The following RPL22 variants were observed in gnomAD, a reference collection of about 807,000 sequenced individuals.
RPL22 encodes ribosomal protein L22.
RPL22 carries 4 observed loss-of-function variants against 16.2 expected under a neutral mutation model. The observed-to-expected ratio is 0.25, with a 90% CI of 0.12 to 0.57. The LOEUF (loss-of-function observed/expected upper bound fraction) is 0.57. RPL22 is among the 20% of genes least tolerant of loss of function. The probability of loss-of-function intolerance (pLI) is 0.92; values close to 1 mark genes in which losing one functional copy is unlikely to be tolerated. For missense variants in RPL22, 83 were observed against 156.1 expected (o/e 0.53, Z 2.49); for synonymous variants, 43 against 54.8 (o/e 0.78, Z 0.95).
intron 1 of RPL22, 145 bp downstream of exon 1, chr1:6,199,417 G>A: frequency 2.8e-6 from 4 of 1,421,298 alleles, no homozygotes; most frequent in South Asian, 1.5e-5. Context: ...ATCGGCAGGG[G>A]CTCTGGCCCG....
chr1:6,198,989 C>T (rs1482855735), intron 1 of RPL22: 1 of 152,432 alleles, frequency 6.6e-6, no homozygotes, highest in African/African-American at 2.4e-5. Context: ...CCCAGCATAG[C>T]TAAAGGAGAA....
intron 3 of RPL22, among the ~76,000 whole-genome samples, chr1:6,190,427 C>A (rs1667635750): frequency 6.6e-6 from 1 of 152,192 alleles, no homozygotes; most frequent in Non-Finnish European, 1.5e-5. Context: ...GTTGCCCAGG[C>A]TGGAGTGCAA....
chr1:6,190,256 G>A (rs1346497894), intron 3 of RPL22, among the ~76,000 whole-genome samples: 1 of 152,170 alleles, frequency 6.6e-6, no homozygotes, highest in African/African-American at 2.4e-5. Flanking sequence ...AGACTGTGAG[G>A]ACTTCACTTA....
At chr1:6,187,503 A>C (rs1164992616) in intron 3 of RPL22, among the ~76,000 whole-genome samples, 2 of 151,158 alleles carry the variant, frequency 1.3e-5, no homozygotes, top group Non-Finnish European at 2.9e-5. Context: ...AGTCCCAGCT[A>C]GTCAGGAGGC....
chr1:6,193,110 A>G, intron 2 of RPL22, 56 bp from the exon 3 acceptor site: 1 of 1,590,726 alleles, frequency 6.3e-7, no homozygotes, highest in Non-Finnish European at 8.6e-7. Context: ...TCTCAACAGA[A>G]TATTTTATCT....
Position 6,186,578 on chromosome 1 carries a change from T to C in RPL22, c.*94A>G. On this transcript the variant is annotated 3_prime_UTR_variant, in exon 4 of 4. Coordinates refer to ENST00000234875, the MANE Select transcript of RPL22 (RefSeq NM_000983.4). The stretch of plus-strand genomic sequence containing the variant: ...TTGACTATGATTTCCAATTTTCTGT[T>C]CAATCCACACTGCAGAGATACAAGG... 1.2e-6 allele frequency: 1 copy of C among 801,248 alleles called. No homozygotes were observed. Among genetic ancestry groups the C allele is most frequent in the African/African-American group, 1.8e-5 (1 of 54,792 alleles). The allele number at this position is 801,248 out of a possible 1,614,324, so 49.6% of individuals were successfully genotyped here.
intron 2 of RPL22, among the ~76,000 whole-genome samples, chr1:6,196,802 A>G (rs1287912197): frequency 6.6e-6 from 1 of 152,148 alleles, no homozygotes; most frequent in African/African-American, 2.4e-5. Flanking sequence ...AAAAGCTCCA[A>G]TTACAATTCA....
intron 1 of RPL22, chr1:6,198,687 GATTT>G (rs1667751925): frequency 6.6e-6 from 1 of 152,198 alleles, no homozygotes; most frequent in African/African-American, 2.4e-5. Context: ...AAAAATCACT[GATTT>G]ATTTTTTACA....
Position 6,197,647 on chromosome 1 carries a change from C to G in RPL22, c.117+5G>C. 6.3e-7 allele frequency: 1 copy of G among 1,587,776 alleles called. No individual in the cohort carries two copies. Among genetic ancestry groups the G allele is most frequent in the Non-Finnish European group, 8.6e-7 (1 of 1,156,852 alleles). On this transcript the variant is annotated splice_donor_5th_base_variant and intron_variant, in intron 2 of 3. Coordinates refer to ENST00000234875, the MANE Select transcript of RPL22 (RefSeq NM_000983.4). ...CACCCGAGTGGCAATAAGGATGTAA[C>G]TTACAAAATTGGCAGCATCCATGAT...
At chr1:6,195,219 G>A (rs1340416251) in intron 2 of RPL22, among the ~76,000 whole-genome samples, 1 of 151,878 alleles carries the variant, frequency 6.6e-6, no homozygotes, top group Admixed American at 6.6e-5. Flanking sequence ...CCCGAGGCAG[G>A]CGGATCACAA....
At chr1:6,199,457 A>G (rs1667766344) in intron 1 of RPL22, 105 bp downstream of exon 1, 1 of 1,487,502 alleles carries the variant, frequency 6.7e-7, no homozygotes, top group Non-Finnish European at 9.0e-7. Flanking sequence ...CCACCCCAGC[A>G]GGACGCTGCA....
intron 2 of RPL22, among the ~76,000 whole-genome samples, chr1:6,195,465 T>A (rs184152950): frequency 0.14 from 19,096 of 137,850 alleles, 2,026 homozygotes; most frequent in African/African-American, 0.3. Flanking sequence ...AAAAAAAAAA[T>A]TTGGCTGGGC....
In RPL22 at chr1:6,186,232, G is replaced by A. The variant is rs542434630; in HGVS notation, c.*440C>T. ...AGTAAGACGAATGGCCCAGAAACCC[G>A]CATTTTATTGACAGTCATTTTCCCA... On this transcript the variant is annotated 3_prime_UTR_variant, in exon 4 of 4. Coordinates refer to ENST00000234875, the MANE Select transcript of RPL22 (RefSeq NM_000983.4). 117 of 238,486 alleles carry A rather than the reference G, an allele frequency of 4.9e-4. No homozygotes were observed. The highest frequency in any genetic ancestry group is 8.8e-4 in the Admixed American group (16 of 18,190). The allele number at this position is 238,486 out of a possible 1,614,324, so 14.8% of individuals were successfully genotyped here.
chr1:6,192,780 G>C, intron 3 of RPL22, 150 bp downstream of exon 3: 1 of 877,316 alleles, frequency 1.1e-6, no homozygotes, highest in Non-Finnish European at 1.8e-6. Flanking sequence ...AACCATAATA[G>C]CATTCATCCA....
chr1:6,198,623 C>A (rs1667751022), intron 1 of RPL22: 1 of 152,204 alleles, frequency 6.6e-6, no homozygotes, highest in Non-Finnish European at 1.5e-5. Context: ...TTTAAAAGAA[C>A]TTCATCTAAA....
chr1:6,195,171 C>A (rs1392184212), intron 2 of RPL22, among the ~76,000 whole-genome samples: 1 of 150,540 alleles, frequency 6.6e-6, no homozygotes, highest in Non-Finnish European at 1.5e-5. Context: ...TGGGGCCAGG[C>A]GCGGTGGCTC....
chr1:6,188,855 G>A (rs1043358723), intron 3 of RPL22, among the ~76,000 whole-genome samples: 11 of 150,778 alleles, frequency 7.3e-5, no homozygotes, highest in Middle Eastern at 3.4e-3. Context: ...CACGATCTCC[G>A]GCTCACCTCA....
In RPL22 at chr1:6,186,593, G is replaced by A; in HGVS notation, c.*79C>T. The A allele has an allele frequency of 1.1e-6, 1 of 941,774 alleles. No individual in the cohort carries two copies. The highest frequency in any genetic ancestry group is 1.6e-6 in the Non-Finnish European group (1 of 640,782). The allele number at this position is 941,774 out of a possible 1,614,324, so 58.3% of individuals were successfully genotyped here. A position where few individuals can be genotyped will look rare whatever the true frequency, so the allele number is the denominator to read the frequency against. On this transcript the variant is annotated 3_prime_UTR_variant, in exon 4 of 4. Coordinates refer to ENST00000234875, the MANE Select transcript of RPL22 (RefSeq NM_000983.4). ...AATTTTCTGTTCAATCCACACTGCA[G>A]AGATACAAGGATAAACCACCATTTT...
At chr1:6,190,445 A>G (rs1667635831) in intron 3 of RPL22, among the ~76,000 whole-genome samples, 1 of 152,120 alleles carries the variant, frequency 6.6e-6, no homozygotes, top group South Asian at 2.1e-4. Flanking sequence ...CAATGGTGCT[A>G]TCTTGGCTCA....
Sources: gnomAD v4.1 joint callset for allele counts (sites outside exome capture counted in the v4.1 genomes callset) on GRCh38, gnomAD v4.1.1 for gene constraint, MANE v1.5 for transcripts, NCBI Gene and HGNC (gene_info 2026-07-23, HGNC 2026-07-21) for gene names.